The following PPP1R14C variants were observed in gnomAD, a reference collection of about 807,000 sequenced individuals.
The protein encoded by PPP1R14C is protein phosphatase 1 regulatory subunit 14C.
A neutral mutation model predicts 20.4 loss-of-function variants in PPP1R14C; 16 were observed. The ratio of observed to expected loss-of-function variants is 0.78; its 90% CI spans 0.53 to 1.19. The LOEUF (loss-of-function observed/expected upper bound fraction) is 1.19, where lower values mean the gene tolerates loss of function less well. PPP1R14C is among the 50% of genes most tolerant of loss of function. The pLI, the probability that PPP1R14C is intolerant of heterozygous loss-of-function variation, is 0.00. For synonymous variants in PPP1R14C, 91 were observed against 91.0 expected (o/e 1.00, Z 0.00); for missense variants, 211 against 220.1 (o/e 0.96, Z 0.26).
intron 1 of PPP1R14C, among the ~76,000 whole-genome samples, chr6:150,188,482 C>CTTTTTTTTT (rs753993224): frequency 9.5e-6 from 1 of 104,982 alleles, no homozygotes. Flanking sequence ...CAGGAATTAC[C>CTTTTTTTTT]TTTTTTTTTT....
At chr6:150,180,077 C>G (rs1030761382) in intron 1 of PPP1R14C, among the ~76,000 whole-genome samples, 1 of 152,152 alleles carries the variant, frequency 6.6e-6, no homozygotes, top group Non-Finnish European at 1.5e-5. Context: ...TGGCATGTGC[C>G]TGTAATCCCA....
rs1778447403 is a variant in PPP1R14C at position 150,242,741 on chromosome 6, A to G, written c.424-6005A>G. Among the ~76,000 whole-genome samples, 2 of 152,228 alleles carry G rather than the reference A, an allele frequency of 1.3e-5. 1 individual carries two copies. The highest frequency in any genetic ancestry group is 4.1e-4 in the South Asian group (2 of 4,832). ...GGCCAAAAAGAAATACAAGGCTTCT[A>G]AATAGGAAGAAGTAAAATTGTTTTT... On this transcript the variant is annotated intron_variant, in intron 3 of 3. Coordinates refer to ENST00000361131, the MANE Select transcript of PPP1R14C (RefSeq NM_030949.3).
At chr6:150,228,804 A>G (rs948740332) in intron 3 of PPP1R14C, among the ~76,000 whole-genome samples, 5 of 152,178 alleles carry the variant, frequency 3.3e-5, no homozygotes, top group Non-Finnish European at 4.4e-5. Context: ...CAGGATGACC[A>G]TGAGATGGTG....
At position 150,241,137 on chromosome 6, in the gene PPP1R14C, G is replaced by C. The variant is rs149961490; in HGVS notation, c.424-7609G>C. 8.9e-3 allele frequency among the ~76,000 whole-genome samples: 1,353 copies of C among 152,254 alleles called. 3 individuals carry two copies. Among genetic ancestry groups the C allele is most frequent in the Non-Finnish European group, 0.013 (905 of 68,014 alleles). ...CAGCCCTACCCCCATCCTCCAAAAAGAGGAAGGGGGCTGGACATAGGGTTA... is the reference window on the plus strand; with the variant it reads ...CAGCCCTACCCCCATCCTCCAAAAACAGGAAGGGGGCTGGACATAGGGTTA... On this transcript the variant is annotated intron_variant, in intron 3 of 3. Transcript: ENST00000361131.
At chr6:150,244,094 A>C (rs920731391) in intron 3 of PPP1R14C, among the ~76,000 whole-genome samples, 6 of 151,794 alleles carry the variant, frequency 4.0e-5, no homozygotes, top group African/African-American at 1.2e-4. Context: ...TCATGCAGAT[A>C]GTATGCTTGT....
chr6:150,227,753 A>T (rs920985248), intron 3 of PPP1R14C, among the ~76,000 whole-genome samples: 1 of 152,230 alleles, frequency 6.6e-6, no homozygotes, highest in Non-Finnish European at 1.5e-5. Flanking sequence ...ATTGAGAAGG[A>T]CAGACCAGAA....
Position 150,143,417 on chromosome 6 carries a change from A to T in PPP1R14C, c.225A>T (p.Lys75Asn). Residue 75 changes from lysine (K) to asparagine (N), a missense_variant, in exon 1 of 4, where the codon AAA (lysine) becomes AAT (asparagine). By Grantham distance (94) the Lys-to-Asn change is moderately conservative. Transcript: ENST00000361131. The surrounding 1 kb of genome is among the most constrained non-coding windows in gnomAD (Gnocchi z 5.6). ...RRHQQGKVTV[K>N]YDRKELRKRL... Reference sequence around the variant, plus strand: ...ACCAGCAGGGAAAAGTGACAGTGAAATACGATCGTAAGGAGCTTCGGAAGC... The same window carrying T: ...ACCAGCAGGGAAAAGTGACAGTGAATTACGATCGTAAGGAGCTTCGGAAGC... 1 of 1,612,170 alleles carries T rather than the reference A, an allele frequency of 6.2e-7. No individual in the cohort carries two copies. Among genetic ancestry groups the T allele is most frequent in the South Asian group, 1.1e-5 (1 of 90,672 alleles).
rs1254988235 is a variant in PPP1R14C at position 150,248,811 on chromosome 6, G to A, written c.489G>A (p.Lys163=). The A allele has an allele frequency of 3.1e-6, 5 of 1,610,648 alleles. No homozygotes were observed. The African/African-American group carries it at 6.7e-5, about 22-fold the overall frequency. The change falls in exon 4 of 4, where the codon AAG becomes AAA. Residue 163 remains lysine, a synonymous_variant. Coordinates refer to ENST00000361131, the MANE Select transcript of PPP1R14C (RefSeq NM_030949.3). ...GGAAACTGAGCCCTCCGCAGAAGAAGAGTGTATGATTCTGGAACAGGGTGA... is the reference window on the plus strand; with the variant it reads ...GGAAACTGAGCCCTCCGCAGAAGAAAAGTGTATGATTCTGGAACAGGGTGA... ...GMRKLSPPQK[K]SV
chr6:150,223,402 T>C (rs538087012), intron 3 of PPP1R14C, among the ~76,000 whole-genome samples: 2 of 152,296 alleles, frequency 1.3e-5, no homozygotes, highest in African/African-American at 2.4e-5. Flanking sequence ...AAAGTGTGTT[T>C]AGGTTTTGTA....
At chr6:150,160,168 ACTGT>A (rs779118099) in intron 1 of PPP1R14C, among the ~76,000 whole-genome samples, 5 of 151,582 alleles carry the variant, frequency 3.3e-5, no homozygotes, top group Admixed American at 6.6e-5. Context: ...TGGCTGAGAT[ACTGT>A]CTGTCAGGCT....
At chr6:150,180,880 A>G (rs192965808) in intron 1 of PPP1R14C, among the ~76,000 whole-genome samples, 2 of 152,244 alleles carry the variant, frequency 1.3e-5, no homozygotes, top group East Asian at 3.9e-4. Context: ...TAGACAAAAT[A>G]AGAGACAATC....
chr6:150,174,369 C>A (rs4870350), intron 1 of PPP1R14C, among the ~76,000 whole-genome samples: 10 of 151,590 alleles, frequency 6.6e-5, no homozygotes, highest in East Asian at 2.0e-4. Context: ...ACCGGTGCCC[C>A]CCACCACTCC....
chr6:150,153,930 G>T (rs1246051660), intron 1 of PPP1R14C, among the ~76,000 whole-genome samples: 3 of 152,146 alleles, frequency 2.0e-5, no homozygotes, highest in Non-Finnish European at 4.4e-5. Context: ...GTTATAAAAA[G>T]CTTCACCCTT....
intron 3 of PPP1R14C, among the ~76,000 whole-genome samples, chr6:150,235,541 T>C (rs1778350075): frequency 6.6e-6 from 1 of 152,152 alleles, no homozygotes; most frequent in Admixed American, 6.5e-5. Context: ...AAAGGAAAAA[T>C]AGGGGTCCTT....
chr6:150,149,443 ATTTTTTTTTTTCTTTTT>A (rs1777218668), intron 1 of PPP1R14C, among the ~76,000 whole-genome samples: 2 of 119,934 alleles, frequency 1.7e-5, no homozygotes, highest in African/African-American at 3.3e-5. Context: ...CTCCCACCTA[ATTTTTTTTTTTCTTTTT>A]TTTTTTTTTT....
chr6:150,227,282 C>T (rs73009893), intron 3 of PPP1R14C, among the ~76,000 whole-genome samples: 6,756 of 152,262 alleles, frequency 0.044, 183 homozygotes, highest in Non-Finnish European at 0.056. Flanking sequence ...TATCGAATAT[C>T]TGTGTGCCTG....
intron 3 of PPP1R14C, among the ~76,000 whole-genome samples, chr6:150,235,442 A>G (rs1365587622): frequency 1.3e-5 from 2 of 152,230 alleles, no homozygotes; most frequent in South Asian, 2.1e-4. Context: ...GGTGTAACCA[A>G]TTGTCACCAC....
At chr6:150,214,606 G>C in intron 1 of PPP1R14C, 138 bp from the exon 2 acceptor site, 24 of 550,650 alleles carry the variant, frequency 4.4e-5, no homozygotes, top group South Asian at 1.1e-4. Flanking sequence ...TCTCCCCCTA[G>C]CCTCTCCTTC....
intron 3 of PPP1R14C, among the ~76,000 whole-genome samples, chr6:150,240,080 C>G (rs1402060373): frequency 6.6e-6 from 1 of 151,660 alleles, no homozygotes; most frequent in Non-Finnish European, 1.5e-5. Flanking sequence ...AAAAAGAAAA[C>G]CAATAAAGAA....
Sources: allele counts gnomAD v4.1 joint callset (sites outside exome capture counted in the v4.1 genomes callset), GRCh38; gene constraint gnomAD v4.1.1; non-coding constraint Gnocchi (gnomAD v3.1); transcripts MANE v1.5; gene names NCBI Gene and HGNC (gene_info 2026-07-23, HGNC 2026-07-21).